Variants in TUBB observed in about 807,000 individuals in gnomAD.
TUBB encodes the protein tubulin beta chain.
In TUBB, 2 loss-of-function variants were observed where a neutral mutation model predicts 35.1. The observed-to-expected ratio is 0.06, with a 90% CI of 0.02 to 0.18. The LOEUF is 0.18. Among genes scored for constraint, TUBB ranks in the 10% least tolerant of loss-of-function variants. The pLI is 1.00. For synonymous variants in TUBB, 205 were observed against 223.8 expected (o/e 0.92, Z 0.75); for missense variants, 50 against 599.4 (o/e 0.08, Z 9.57).
intron 1 of TUBB, among the ~76,000 whole-genome samples, 160 bp downstream of exon 1, chr6:30,720,723 C>T (rs369883475): frequency 5.2e-4 from 79 of 152,316 alleles, no homozygotes; most frequent in African/African-American, 1.3e-3. Flanking sequence ...CTAGCATTTG[C>T]CTTTGGAAAG....
intron 1 of TUBB, chr6:30,721,984 C>CA: frequency 1.1e-5 from 9 of 834,016 alleles, no homozygotes; most frequent in Non-Finnish European, 1.3e-5. Flanking sequence ...CACGTTTCTA[C>CA]AAAAAATAAA....
intron 2 of TUBB, 134 bp downstream of exon 2, chr6:30,722,779 G>A (rs560378408): frequency 5.4e-6 from 6 of 1,114,716 alleles, no homozygotes; most frequent in Admixed American, 4.7e-5. Context: ...AACCACCGTC[G>A]GGGCCAAAGA....
At position 30,724,522 on chromosome 6, in the gene TUBB, G is replaced by A. The variant is rs1168813599; in HGVS notation, c.*125G>A. 2.3e-6 allele frequency: 2 copies of A among 859,014 alleles called. No individual in the cohort carries two copies. Among genetic ancestry groups the A allele is most frequent in the Non-Finnish European group, 3.5e-6 (2 of 570,246 alleles). The allele number at this position is 859,014 out of a possible 1,614,324, so 53.2% of individuals were successfully genotyped here. A position where few individuals can be genotyped will look rare whatever the true frequency, so the allele number is the denominator to read the frequency against. On this transcript the variant is annotated 3_prime_UTR_variant, in exon 4 of 4. Transcript: ENST00000327892. The surrounding 1 kb of genome is among the most constrained non-coding windows in gnomAD (Gnocchi z 4.4). ...TGTTTTTTGTTTTTTCTTCTGGGGGGGGTCTAGAACAGTGCCTGGCACATA... is the reference window on the plus strand; with the variant it reads ...TGTTTTTTGTTTTTTCTTCTGGGGGAGGTCTAGAACAGTGCCTGGCACATA...
intron 1 of TUBB, chr6:30,722,167 T>G: frequency 4.1e-6 from 1 of 241,064 alleles, no homozygotes; most frequent in Non-Finnish European, 8.3e-6. Context: ...TAGAAGAAGC[T>G]GGGCGCGGTG....
Position 30,723,115 on chromosome 6 carries a change from A to G in TUBB, c.277+87A>G. On this transcript the variant is annotated intron_variant, in intron 3 of 3. Coordinates refer to ENST00000327892, the MANE Select transcript of TUBB (RefSeq NM_178014.4). The stretch of plus-strand genomic sequence containing the variant: ...AGGACACAGCAAAAGTTAGGAGATG[A>G]TTGTTGTATTGGAGTGCTAATACAG... 1.7e-6 allele frequency: 2 copies of G among 1,158,272 alleles called. 1 individual carries two copies. The highest frequency in any genetic ancestry group is 2.5e-6 in the Non-Finnish European group (2 of 789,190). The allele number at this position is 1,158,272 out of a possible 1,614,324, so 71.7% of individuals were successfully genotyped here.
At chr6:30,721,196 G>T (rs564808539) in intron 1 of TUBB, among the ~76,000 whole-genome samples, 177 of 152,324 alleles carry the variant, frequency 1.2e-3, no homozygotes, top group African/African-American at 3.9e-3. Context: ...TTTTTAGGGC[G>T]TGAACAGATA....
Sources: gnomAD v4.1 joint callset for allele counts (sites outside exome capture counted in the v4.1 genomes callset) on GRCh38, gnomAD v4.1.1 for gene constraint, Gnocchi (gnomAD v3.1) non-coding constraint, MANE v1.5 for transcripts, NCBI Gene and HGNC (gene_info 2026-07-23, HGNC 2026-07-21) for gene names.